The following CFAP97D2 variants were observed in gnomAD, a reference collection of about 807,000 sequenced individuals.
CFAP97D2 encodes the protein CFAP97 domain containing 2, also known as uncharacterized protein CFAP97D2.
chr13:114,201,598 A>AT (rs2080918479), intron 3 of CFAP97D2, among the ~76,000 whole-genome samples: 1 of 152,120 alleles, frequency 6.6e-6, no homozygotes, highest in African/African-American at 2.4e-5. Context: ...AAAGTCAACC[A>AT]TTTTTCTCAA....
chr13:114,215,871 CT>C (rs1035398222), intron 4 of CFAP97D2: 1 of 152,222 alleles, frequency 6.6e-6, no homozygotes, highest in African/African-American at 2.4e-5. Context: ...TGACAGATCA[CT>C]GTGGTGATGT....
In CFAP97D2 at chr13:114,211,705, G is replaced by T. The variant is rs1228907808; in HGVS notation, c.291-207G>T. ...CCGCCGTGCAAAGCGAGCGCGCCGG[G>T]GCTGAGTGTGCCCTTCGCTCCTCTC... On this transcript the variant is annotated intron_variant, in intron 3 of 4. Coordinates refer to ENST00000646158, the Ensembl canonical transcript of CFAP97D2. The surrounding 1 kb of genome is among the most constrained non-coding windows in gnomAD (Gnocchi z 4.2). Among the ~76,000 whole-genome samples the T allele has an allele frequency of 6.6e-6, 1 of 152,178 alleles. No homozygotes were observed. The highest frequency in any genetic ancestry group is 1.5e-5 in the Non-Finnish European group (1 of 68,038).
rs117710401 is a variant in CFAP97D2, at chr13:114,207,318, C to T, written c.291-4594C>T. 0.02 allele frequency among the ~76,000 whole-genome samples: 3,063 copies of T among 152,222 alleles called. 43 individuals are homozygous for T. Among genetic ancestry groups the T allele is most frequent in the Non-Finnish European group, 0.03 (2,051 of 68,004 alleles). ...GCATGGACAGCGAGGGGAGGGGTCC[C>T]GTTCTTGTGAAGCTTGATATTACAT... is the stretch of plus-strand genomic sequence containing the variant. On this transcript the variant is annotated intron_variant, in intron 3 of 4. Transcript: ENST00000646158. This position sits in a 1 kb window ranked among gnomAD's most constrained non-coding sequence, Gnocchi z 4.9.
intron 3 of CFAP97D2, among the ~76,000 whole-genome samples, 173 bp downstream of exon 3, chr13:114,200,616 C>T (rs988480124): frequency 1.3e-5 from 2 of 152,226 alleles, no homozygotes; most frequent in African/African-American, 4.8e-5. Flanking sequence ...GATTGTGATT[C>T]CAAGTTTTAC....
At chr13:114,190,496 T>C (rs1396795356) in intron 1 of CFAP97D2, among the ~76,000 whole-genome samples, 1 of 152,180 alleles carries the variant, frequency 6.6e-6, no homozygotes, top group Non-Finnish European at 1.5e-5. Context: ...CACTTTCCTA[T>C]ACACCAGCAA....
Position 114,212,050 on chromosome 13 carries a change from C to T in CFAP97D2, c.429C>T (p.Pro143=), listed in dbSNP as rs906192392. 13 of 398,636 alleles carry T rather than the reference C, an allele frequency of 3.3e-5. No individual in the cohort carries two copies. The Admixed American group carries it at 4.0e-4, about 12-fold the overall frequency. 24.7% of individuals were successfully genotyped at this position (398,636 alleles called of 1,614,324 possible). The stretch of plus-strand genomic sequence containing the variant: ...AGACTGGGGCAGGGCTGAGAAGTCC[C>T]GGGTGCTGGTGTGGAATCTCCCTGG... The change falls in exon 4 of 5, where the codon CCC becomes CCT. Residue 143 remains proline, a synonymous_variant. Coordinates refer to ENST00000646158, the Ensembl canonical transcript of CFAP97D2.
chr13:114,219,958 G>A (rs952678160), intron 4 of CFAP97D2, among the ~76,000 whole-genome samples: 1 of 152,018 alleles, frequency 6.6e-6, no homozygotes, highest in East Asian at 1.9e-4. Flanking sequence ...CTACTGGAAC[G>A]TGAATGCGTC....
chr13:114,182,615 CA>C (rs1318157337), intron 1 of CFAP97D2, among the ~76,000 whole-genome samples: 1 of 152,148 alleles, frequency 6.6e-6, no homozygotes, highest in Non-Finnish European at 1.5e-5. Context: ...CGGCTTTCTG[CA>C]GTGCATTGTG....
chr13:114,222,407 T>C lies in CFAP97D2; in HGVS notation c.481-91T>C. On this transcript the variant is annotated intron_variant, in intron 4 of 4. Coordinates refer to ENST00000646158, the Ensembl canonical transcript of CFAP97D2. This position sits in a 1 kb window ranked among gnomAD's most constrained non-coding sequence, Gnocchi z 4.4. ...TTAATTCTAAGTAAAGACTTGTCAATGAGTTGAAATATTCCATTTCCCAAG... is the reference window on the plus strand; with the variant it reads ...TTAATTCTAAGTAAAGACTTGTCAACGAGTTGAAATATTCCATTTCCCAAG... 1 of 398,120 alleles carries C rather than the reference T, an allele frequency of 2.5e-6. No homozygotes were observed. The allele number at this position is 398,120 out of a possible 1,614,324, so 24.7% of individuals were successfully genotyped here.
intron 2 of CFAP97D2, among the ~76,000 whole-genome samples, chr13:114,197,283 T>A (rs894784736): frequency 6.6e-6 from 1 of 152,228 alleles, no homozygotes; most frequent in African/African-American, 2.4e-5. Context: ...AGTTATATAT[T>A]TTTTAAACAC....
At position 114,207,586 on chromosome 13, in the gene CFAP97D2, C is replaced by T. The variant is rs2080946987; in HGVS notation, c.291-4326C>T. On this transcript the variant is annotated intron_variant, in intron 3 of 4. Coordinates refer to ENST00000646158, the Ensembl canonical transcript of CFAP97D2. This position sits in a 1 kb window ranked among gnomAD's most constrained non-coding sequence, Gnocchi z 4.9. The stretch of plus-strand genomic sequence containing the variant: ...TGCTGATCTGACAGGAGGTGGAGCT[C>T]AGGCAGTAATGCCAGCAATGGGGAG... Among the ~76,000 whole-genome samples the T allele has an allele frequency of 6.6e-6, 1 of 152,218 alleles. No individual in the cohort carries two copies. Among genetic ancestry groups the T allele is most frequent in the Admixed American group, 6.5e-5 (1 of 15,284 alleles).
At chr13:114,196,435 C>A (rs558625427) in exon 2 of CFAP97D2, 402 of 399,702 alleles carry the variant, frequency 1.0e-3, no homozygotes, top group Non-Finnish European at 1.5e-3. Flanking sequence ...CCGCGCCCCG[C>A]TGACGTTCCG....
chr13:114,182,877 CTT>C (rs2080841795), intron 1 of CFAP97D2, among the ~76,000 whole-genome samples: 1 of 152,200 alleles, frequency 6.6e-6, no homozygotes, highest in Admixed American at 6.5e-5. Context: ...AATGGAGTCT[CTT>C]ATGTCTTCCC....
Position 114,187,168 on chromosome 13 carries a change from G to A in CFAP97D2, c.90+7748G>A, listed in dbSNP as rs1017805517. Among the ~76,000 whole-genome samples, 3 of 152,198 alleles carry A rather than the reference G, an allele frequency of 2.0e-5. No homozygotes were observed. Among genetic ancestry groups the A allele is most frequent in the African/African-American group, 7.2e-5 (3 of 41,440 alleles). On this transcript the variant is annotated intron_variant, in intron 1 of 4. Coordinates refer to ENST00000646158, the Ensembl canonical transcript of CFAP97D2. The surrounding 1 kb of genome is among the most constrained non-coding windows in gnomAD (Gnocchi z 4.2). The stretch of plus-strand genomic sequence containing the variant: ...AAATCCTAGGGCAGCCATTAAAAAT[G>A]TAATGAAAGAAGTATGACTGATAAA...
chr13:114,203,566 A>T lies in CFAP97D2; in HGVS notation c.290+3123A>T, dbSNP rs917134308. Among the ~76,000 whole-genome samples, 5 of 152,228 alleles carry T rather than the reference A, an allele frequency of 3.3e-5. No individual in the cohort carries two copies. The highest frequency in any genetic ancestry group is 1.2e-4 in the African/African-American group (5 of 41,460). On this transcript the variant is annotated intron_variant, in intron 3 of 4. Coordinates refer to ENST00000646158, the Ensembl canonical transcript of CFAP97D2. This position sits in a 1 kb window ranked among gnomAD's most constrained non-coding sequence, Gnocchi z 4.3. The stretch of plus-strand genomic sequence containing the variant: ...CAGGAAAATCTAGGCACACGAACAC[A>T]TTGAAGGGTGAGTAGAGCAGGATTT...
Position 114,207,346 on chromosome 13 carries a change from T to C in CFAP97D2, c.291-4566T>C, listed in dbSNP as rs887737270. ...TCTTGTGAAGCTTGATATTACATTG[T>C]AATATAGAATGAAGTAATTATACAA... On this transcript the variant is annotated intron_variant, in intron 3 of 4. Coordinates refer to ENST00000646158, the Ensembl canonical transcript of CFAP97D2. This position sits in a 1 kb window ranked among gnomAD's most constrained non-coding sequence, Gnocchi z 4.9. Among the ~76,000 whole-genome samples, 12 of 152,118 alleles carry C rather than the reference T, an allele frequency of 7.9e-5. No individual in the cohort carries two copies. The highest frequency in any genetic ancestry group is 1.0e-4 in the Non-Finnish European group (7 of 68,014).
chr13:114,184,258 G>C (rs1188057598), intron 1 of CFAP97D2, among the ~76,000 whole-genome samples: 2 of 152,184 alleles, frequency 1.3e-5, no homozygotes. Context: ...AATAACAAAG[G>C]TGTAACTTAC....
chr13:114,184,001 G>A (rs117779086), intron 1 of CFAP97D2, among the ~76,000 whole-genome samples: 1,769 of 152,218 alleles, frequency 0.012, 96 homozygotes, highest in Admixed American at 0.081. Context: ...AAATTTAAAC[G>A]TTAGCTGGGC....
At chr13:114,220,576 A>G (rs976545204) in intron 4 of CFAP97D2, among the ~76,000 whole-genome samples, 1 of 152,262 alleles carries the variant, frequency 6.6e-6, no homozygotes, top group South Asian at 2.1e-4. Flanking sequence ...AAGGATTTAT[A>G]TAAGATTATC....
Sources: allele counts gnomAD v4.1 joint callset (sites outside exome capture counted in the v4.1 genomes callset), GRCh38; gene constraint gnomAD v4.1.1; non-coding constraint Gnocchi (gnomAD v3.1); transcripts MANE v1.5; gene names NCBI Gene and HGNC (gene_info 2026-07-23, HGNC 2026-07-21).